The following UBASH3B variants were observed in gnomAD, a reference collection of about 807,000 sequenced individuals.
UBASH3B encodes ubiquitin associated and SH3 domain containing B.
UBASH3B carries 37 observed loss-of-function variants against 83.4 expected under a neutral mutation model. The ratio of observed to expected loss-of-function variants is 0.44; its 90% CI spans 0.34 to 0.58. The LOEUF is 0.58. UBASH3B is among the 20% of genes least tolerant of loss of function. The pLI, the probability that UBASH3B is intolerant of heterozygous loss-of-function variation, is 0.01. For missense variants in UBASH3B, 657 were observed against 827.2 expected, an observed-to-expected ratio of 0.79 and a Z score of 2.52; for synonymous variants, 304 against 318.3, an observed-to-expected ratio of 0.96 and a Z score of 0.48.
intron 1 of UBASH3B, among the ~76,000 whole-genome samples, chr11:122,708,658 A>T (rs111921689): frequency 8.5e-4 from 129 of 150,888 alleles, no homozygotes; most frequent in African/African-American, 3.1e-3. Context: ...ATTGCCAAAT[A>T]GACAGCACCA....
intron 1 of UBASH3B, among the ~76,000 whole-genome samples, chr11:122,743,535 G>T (rs1397731159): frequency 6.6e-6 from 1 of 152,172 alleles, no homozygotes; most frequent in Non-Finnish European, 1.5e-5. Context: ...CCCATGCCTG[G>T]CTGACTTAAT....
chr11:122,711,918 C>A (rs563693088), intron 1 of UBASH3B, among the ~76,000 whole-genome samples: 36 of 152,188 alleles, frequency 2.4e-4, no homozygotes, highest in Admixed American at 2.0e-3. Flanking sequence ...AAGTTCTCTA[C>A]ACAATAATAC....
intron 1 of UBASH3B, among the ~76,000 whole-genome samples, chr11:122,683,751 G>C (rs1863774858): frequency 1.5e-5 from 1 of 66,496 alleles, no homozygotes; most frequent in African/African-American, 3.1e-5. Context: ...AATTGTGTGT[G>C]TGTGTGTGTG....
chr11:122,796,364 C>T, intron 8 of UBASH3B, 88 bp downstream of exon 8: 2 of 1,548,954 alleles, frequency 1.3e-6, no homozygotes, highest in Non-Finnish European at 1.7e-6. Context: ...TAGATGGAGT[C>T]ATTCATAGTT....
Position 122,783,672 on chromosome 11 carries a change from G to A in UBASH3B, c.771+450G>A, listed in dbSNP as rs1200166594. On this transcript the variant is annotated intron_variant, in intron 5 of 13. Transcript: ENST00000284273. ...AAGACATAATCAACAGATATTTGCT[G>A]TGTATCTGTATCATGCAAAGTACCA... Among the ~76,000 whole-genome samples, 3 of 151,510 alleles carry A rather than the reference G, an allele frequency of 2.0e-5. No individual in the cohort carries two copies. In the East Asian group the frequency reaches 5.8e-4, roughly 29 times the overall value.
At chr11:122,740,172 G>T (rs1471303367) in intron 1 of UBASH3B, among the ~76,000 whole-genome samples, 1 of 152,202 alleles carries the variant, frequency 6.6e-6, no homozygotes, top group Non-Finnish European at 1.5e-5. Context: ...CCCATATTTT[G>T]TGGCAAAGCA....
At chr11:122,730,838 G>A (rs1237319277) in intron 1 of UBASH3B, among the ~76,000 whole-genome samples, 2 of 151,962 alleles carry the variant, frequency 1.3e-5, no homozygotes, top group African/African-American at 2.4e-5. Flanking sequence ...CAGGTGATCC[G>A]CCCGCCTCGG....
chr11:122,780,736 A>G (rs1312135179), intron 4 of UBASH3B, among the ~76,000 whole-genome samples: 1 of 152,220 alleles, frequency 6.6e-6, no homozygotes, highest in Non-Finnish European at 1.5e-5. Context: ...TGGCAGGAGC[A>G]CAGGCAGGCA....
chr11:122,669,148 C>G (rs1863557758), intron 1 of UBASH3B, among the ~76,000 whole-genome samples: 1 of 152,182 alleles, frequency 6.6e-6, no homozygotes, highest in African/African-American at 2.4e-5. Context: ...AATTCAGTGG[C>G]TTACAACAAC....
At chr11:122,801,367 T>G (rs534162203) in intron 11 of UBASH3B, 35 bp downstream of exon 11, 1 of 1,608,748 alleles carries the variant, frequency 6.2e-7, no homozygotes, top group Admixed American at 1.7e-5. Context: ...CTGAGGCCAG[T>G]GTGGAAGTGC....
At chr11:122,782,904 A>T in intron 4 of UBASH3B, 149 bp from the exon 5 acceptor site, 1 of 901,332 alleles carries the variant, frequency 1.1e-6, no homozygotes, top group Non-Finnish European at 1.7e-6. Flanking sequence ...CCCTTATTCT[A>T]CTGCTGTGAA....
Position 122,810,002 on chromosome 11 carries a change from A to G in UBASH3B, c.*116A>G, listed in dbSNP as rs1197650210. ...TGGACAGCTCAGAATAATTTAGCAT[A>G]TTTCCTTTCACACTTAAAGTTCTTA... On this transcript the variant is annotated 3_prime_UTR_variant, in exon 14 of 14. Transcript: ENST00000284273. 7.8e-7 allele frequency: 1 copy of G among 1,286,314 alleles called. No individual in the cohort carries two copies. The highest frequency in any genetic ancestry group is 2.4e-5 in the Admixed American group (1 of 41,966). The allele number at this position is 1,286,314 out of a possible 1,614,324, so 79.7% of individuals were successfully genotyped here. A position where few individuals can be genotyped will look rare whatever the true frequency, so the allele number is the denominator to read the frequency against.
chr11:122,662,722 C>T (rs1206224235), intron 1 of UBASH3B, among the ~76,000 whole-genome samples: 4 of 152,256 alleles, frequency 2.6e-5, no homozygotes, highest in East Asian at 1.9e-4. Context: ...TGAGACACCA[C>T]GCCCAGCCCA....
At chr11:122,698,042 A>G (rs1429824575) in intron 1 of UBASH3B, among the ~76,000 whole-genome samples, 1 of 152,176 alleles carries the variant, frequency 6.6e-6, no homozygotes. Context: ...GATTTGTCTC[A>G]TTCCAAAGCC....
rs183017264 is a variant in UBASH3B at position 122,672,363 on chromosome 11, A to G, written c.161+16153A>G. 1.5e-3 allele frequency among the ~76,000 whole-genome samples: 223 copies of G among 151,878 alleles called. 1 individual carries two copies. The highest frequency in any genetic ancestry group is 2.1e-3 in the Non-Finnish European group (142 of 67,932). ...TTGAGATGGAGTCTCCCTGTCACCC[A>G]GGCTGGAGTCCAGTGGTACAATCTT... On this transcript the variant is annotated intron_variant, in intron 1 of 13. Coordinates refer to ENST00000284273, the MANE Select transcript of UBASH3B (RefSeq NM_032873.5).
At chr11:122,803,344 G>A (rs1237413059) in intron 11 of UBASH3B, among the ~76,000 whole-genome samples, 1 of 152,182 alleles carries the variant, frequency 6.6e-6, no homozygotes. Context: ...GAAGACATGT[G>A]GTGACAGGCA....
intron 5 of UBASH3B, among the ~76,000 whole-genome samples, chr11:122,786,997 C>G (rs7932342): frequency 0.024 from 3,606 of 151,966 alleles, 53 homozygotes; most frequent in African/African-American, 0.043. Flanking sequence ...CCGCTCCCCC[C>G]CCACCGCCCC....
At chr11:122,691,545 T>G (rs867137772) in intron 1 of UBASH3B, among the ~76,000 whole-genome samples, 7 of 152,146 alleles carry the variant, frequency 4.6e-5, no homozygotes, top group Non-Finnish European at 8.8e-5. Flanking sequence ...CCCACCGGGG[T>G]GCTGCTGGAC....
At chr11:122,728,000 T>TATC (rs938819449) in intron 1 of UBASH3B, among the ~76,000 whole-genome samples, 51 of 149,632 alleles carry the variant, frequency 3.4e-4, no homozygotes, top group African/African-American at 1.3e-3. Flanking sequence ...ATCTTATCAT[T>TATC]ATTATTATTA....
Sources: allele counts gnomAD v4.1 joint callset (sites outside exome capture counted in the v4.1 genomes callset), GRCh38; gene constraint gnomAD v4.1.1; transcripts MANE v1.5; gene names NCBI Gene and HGNC (gene_info 2026-07-23, HGNC 2026-07-21).